The following ADAMTS18 variants were observed in gnomAD, a reference collection of about 807,000 sequenced individuals.
The protein encoded by ADAMTS18 is A disintegrin and metalloproteinase with thrombospondin motifs 18.
A neutral mutation model predicts 165.9 loss-of-function variants in ADAMTS18; 157 were observed. That is an observed-to-expected ratio of 0.95 (90% CI 0.83 to 1.08). The LOEUF is 1.08. Among genes scored for constraint, ADAMTS18 ranks in the 50% least tolerant of loss-of-function variants. ADAMTS18 has a pLI of 0.00. For missense variants in ADAMTS18, 2,040 were observed against 1,534.0 expected (o/e 1.33, Z -5.51); for synonymous variants, 782 against 578.2 (o/e 1.35, Z -5.06).
chr16:77,405,748 C>T (rs1263625292), intron 3 of ADAMTS18, among the ~76,000 whole-genome samples: 3 of 152,134 alleles, frequency 2.0e-5, no homozygotes, highest in Admixed American at 2.0e-4. Context: ...TCCTAGGTTA[C>T]AGATGGTCAC....
At chr16:77,286,177 C>G (rs1432772904) in intron 22 of ADAMTS18, among the ~76,000 whole-genome samples, 1 of 152,158 alleles carries the variant, frequency 6.6e-6, no homozygotes, top group East Asian at 1.9e-4. Flanking sequence ...TTTGGGGTCT[C>G]TCTGCCAGGA....
chr16:77,383,633 T>C (rs950015738), intron 3 of ADAMTS18, among the ~76,000 whole-genome samples: 1 of 152,040 alleles, frequency 6.6e-6, no homozygotes, highest in African/African-American at 2.4e-5. Context: ...AACCTCCACC[T>C]CCCAGGTTCA....
intron 4 of ADAMTS18, 35 bp from the exon 5 acceptor site, chr16:77,364,416 TAGAG>T: frequency 6.2e-7 from 1 of 1,604,590 alleles, no homozygotes; most frequent in Non-Finnish European, 8.5e-7. Context: ...GAAGGGATAT[TAGAG>T]AATATCTGGA....
Position 77,283,828 on chromosome 16 carries a change from G to T in ADAMTS18, c.*128C>A. On this transcript the variant is annotated 3_prime_UTR_variant, in exon 23 of 23. Transcript: ENST00000282849. ...GCAACCTGTCTGTTCCTCAGAGCAG[G>T]CTCCTTCATCACAGCGGCAGCTCAC... 1 of 737,674 alleles carries T rather than the reference G, an allele frequency of 1.4e-6. No homozygotes were observed. Among genetic ancestry groups the T allele is most frequent in the Non-Finnish European group, 2.4e-6 (1 of 415,940 alleles). 45.7% of individuals were successfully genotyped at this position (737,674 alleles called of 1,614,324 possible). A position where few individuals can be genotyped will look rare whatever the true frequency, so the allele number is the denominator to read the frequency against.
chr16:77,288,088 C>T lies in ADAMTS18; in HGVS notation c.3550+1176G>A, dbSNP rs148603146. 5.6e-4 allele frequency among the ~76,000 whole-genome samples: 85 copies of T among 152,184 alleles called. 1 individual carries two copies. In the Middle Eastern group the frequency reaches 0.014, roughly 24 times the overall value. On this transcript the variant is annotated intron_variant, in intron 22 of 22. Coordinates refer to ENST00000282849, the MANE Select transcript of ADAMTS18 (RefSeq NM_199355.4). ...TTATTCATTTAAGACTTATTGAGTA[C>T]CTGTTGCGTGCCCATTGTGGTATTA... is the stretch of plus-strand genomic sequence containing the variant.
intron 10 of ADAMTS18, among the ~76,000 whole-genome samples, chr16:77,347,231 T>G (rs1157492764): frequency 6.6e-6 from 1 of 152,208 alleles, no homozygotes; most frequent in Non-Finnish European, 1.5e-5. Flanking sequence ...AGTCTTTGGC[T>G]TCTATGAATC....
intron 3 of ADAMTS18, among the ~76,000 whole-genome samples, chr16:77,410,733 T>C (rs1405380615): frequency 6.6e-6 from 1 of 152,068 alleles, no homozygotes; most frequent in African/African-American, 2.4e-5. Flanking sequence ...AATTGAGCAT[T>C]AGAAAGGAGA....
intron 13 of ADAMTS18, among the ~76,000 whole-genome samples, chr16:77,324,524 A>G (rs1296469129): frequency 6.6e-6 from 1 of 152,218 alleles, no homozygotes; most frequent in African/African-American, 2.4e-5. Flanking sequence ...AGATAGACAA[A>G]GGCTTAGTCC....
chr16:77,289,177 T>C, intron 22 of ADAMTS18, 87 bp downstream of exon 22: 1 of 1,522,960 alleles, frequency 6.6e-7, no homozygotes, highest in Non-Finnish European at 9.1e-7. Context: ...AGTTGTACAA[T>C]GTCACAGGCT....
At position 77,353,743 on chromosome 16, in the gene ADAMTS18, C is replaced by G; in HGVS notation, c.1604G>C (p.Gly535Ala). ...CACAAGCAAACATACCTTCACAAAACCAAGGCTGCATAACTTGGCTTTTGC... is the reference window on the plus strand; with the variant it reads ...CACAAGCAAACATACCTTCACAAAAGCAAGGCTGCATAACTTGGCTTTTGC... ...FGAKAKLCSL[G>A]FVKDICKSLW... The change falls in exon 10 of 23, where the codon GGT becomes GCT. Residue 535 changes from glycine (G) to alanine (A), a missense_variant. Gly to Ala is a moderately conservative substitution (Grantham distance 60). Coordinates refer to ENST00000282849, the MANE Select transcript of ADAMTS18 (RefSeq NM_199355.4). 2 of 1,614,184 alleles carry G rather than the reference C, an allele frequency of 1.2e-6. No homozygotes were observed. The highest frequency in any genetic ancestry group is 1.7e-6 in the Non-Finnish European group (2 of 1,180,022).
At chr16:77,380,249 GTC>G (rs1446164412) in intron 3 of ADAMTS18, among the ~76,000 whole-genome samples, 1 of 152,222 alleles carries the variant, frequency 6.6e-6, no homozygotes, top group Non-Finnish European at 1.5e-5. Flanking sequence ...AACAGATTCA[GTC>G]TCTGTCTTCA....
intron 3 of ADAMTS18, among the ~76,000 whole-genome samples, chr16:77,379,929 T>G (rs1018326132): frequency 6.6e-6 from 1 of 152,188 alleles, no homozygotes; most frequent in Non-Finnish European, 1.5e-5. Flanking sequence ...AAAGTTGATT[T>G]GTCCAAGTAA....
intron 12 of ADAMTS18, among the ~76,000 whole-genome samples, chr16:77,329,453 G>C (rs530776523): frequency 6.6e-6 from 1 of 152,038 alleles, no homozygotes; most frequent in Non-Finnish European, 1.5e-5. Context: ...CTTAAATTTA[G>C]GTGATCTTAT....
chr16:77,321,992 C>T (rs1437291712), intron 14 of ADAMTS18, among the ~76,000 whole-genome samples: 2 of 151,860 alleles, frequency 1.3e-5, no homozygotes, highest in African/African-American at 4.8e-5. Context: ...CCCGTCTCTA[C>T]TAAAAATACA....
chr16:77,321,149 G>C lies in ADAMTS18; in HGVS notation c.2217C>G (p.Gly739=). 1 of 1,614,074 alleles carries C rather than the reference G, an allele frequency of 6.2e-7. No homozygotes were observed. Among genetic ancestry groups the C allele is most frequent in the Non-Finnish European group, 8.5e-7 (1 of 1,179,980 alleles). ...LGSKAVSDAC[G]VCKGDNSTCK... ...AAGTTGAATTATCACCTTTGCAAACGCCACAAGCATCTGAAACTGCTTTAG... is the reference window on the plus strand; with the variant it reads ...AAGTTGAATTATCACCTTTGCAAACCCCACAAGCATCTGAAACTGCTTTAG... Residue 739 remains glycine, a synonymous_variant, in exon 15 of 23, where the codon GGC becomes GGG. Transcript: ENST00000282849.
chr16:77,304,217 G>C (rs1241686550), intron 16 of ADAMTS18, among the ~76,000 whole-genome samples: 1 of 152,164 alleles, frequency 6.6e-6, no homozygotes, highest in Non-Finnish European at 1.5e-5. Flanking sequence ...CAGGCACTTT[G>C]GGAAGCTGAG....
intron 3 of ADAMTS18, among the ~76,000 whole-genome samples, chr16:77,411,799 G>A (rs944971953): frequency 3.4e-5 from 5 of 145,938 alleles, no homozygotes; most frequent in African/African-American, 1.3e-4. Flanking sequence ...CGATTCTCCT[G>A]TCTCAGCCTC....
intron 9 of ADAMTS18, among the ~76,000 whole-genome samples, chr16:77,355,458 C>G (rs529103609): frequency 1.3e-5 from 2 of 152,058 alleles, no homozygotes; most frequent in Admixed American, 1.3e-4. Context: ...CACACTCATA[C>G]CATTTGAGCA....
At chr16:77,417,965 G>A (rs532696814) in intron 3 of ADAMTS18, among the ~76,000 whole-genome samples, 1 of 152,292 alleles carries the variant, frequency 6.6e-6, no homozygotes, top group African/African-American at 2.4e-5. Flanking sequence ...AACTGCAAAA[G>A]CCCAGAAACA....
Sources: gnomAD v4.1 joint callset for allele counts (sites outside exome capture counted in the v4.1 genomes callset) on GRCh38, gnomAD v4.1.1 for gene constraint, MANE v1.5 for transcripts, NCBI Gene and HGNC (gene_info 2026-07-23, HGNC 2026-07-21) for gene names.